The following RELCH variants were observed in gnomAD, a reference collection of about 807,000 sequenced individuals.
The protein encoded by RELCH is RAB11 binding and LisH domain, coiled-coil and HEAT repeat containing.
RELCH carries 41 observed loss-of-function variants against 150.3 expected under a neutral mutation model. The ratio of observed to expected loss-of-function variants is 0.27; its 90% confidence interval spans 0.21 to 0.35. The LOEUF (loss-of-function observed/expected upper bound fraction) is 0.35, where lower values mean the gene tolerates loss of function less well. Ranked by LOEUF, RELCH falls within the 10% of genes least tolerant of loss-of-function variation. The probability of loss-of-function intolerance (pLI) is 1.00; values close to 1 mark genes in which losing one functional copy is unlikely to be tolerated. For synonymous variants in RELCH, 478 were observed against 531.8 expected, an observed-to-expected ratio of 0.90 and a Z score of 1.39; for missense variants, 1,092 against 1,467.8, an observed-to-expected ratio of 0.74 and a Z score of 4.18.
intron 12 of RELCH, chr18:62,254,549 A>C (rs1014278152): frequency 2.0e-5 from 3 of 152,184 alleles, no homozygotes; most frequent in African/African-American, 7.2e-5. Context: ...GATTAAATTT[A>C]ATTCAAAGAT....
At position 62,227,422 on chromosome 18, in the gene RELCH, A is replaced by G; in HGVS notation, c.992A>G (p.Asp331Gly). 2 of 1,613,400 alleles carry G rather than the reference A, an allele frequency of 1.2e-6. No individual in the cohort carries two copies. The highest frequency in any genetic ancestry group is 8.5e-7 in the Non-Finnish European group (1 of 1,179,628). Reference protein sequence around the residue: ...LVDVASGVEEDELEALTPIIS... With the variant: ...LVDVASGVEEGELEALTPIIS... The stretch of plus-strand genomic sequence containing the variant: ...GATGTGGCCAGTGGAGTAGAAGAAG[A>G]TGAATTAGAGGCCCTTACACCAATT... Residue 331 changes from aspartate to glycine, a missense_variant, in exon 6 of 29, where the codon GAT becomes GGT. This residue lies in a region of RELCH where 57 missense variants were observed against 41.5 expected (regional missense o/e 1.37). Transcript: ENST00000644646.
intron 10 of RELCH, among the ~76,000 whole-genome samples, chr18:62,242,030 C>G (rs981226681): frequency 6.6e-6 from 1 of 152,114 alleles, no homozygotes. Flanking sequence ...CAGAAACAGA[C>G]CACTCTCTGC....
At chr18:62,200,333 T>A (rs1224077205) in intron 1 of RELCH, among the ~76,000 whole-genome samples, 1 of 152,322 alleles carries the variant, frequency 6.6e-6, no homozygotes, top group African/African-American at 2.4e-5. Flanking sequence ...TACCGAAGTT[T>A]TATCTTTGTA....
chr18:62,197,812 A>G (rs528997932), intron 1 of RELCH, among the ~76,000 whole-genome samples: 1 of 152,374 alleles, frequency 6.6e-6, no homozygotes, highest in African/African-American at 2.4e-5. Context: ...AAATAGAGAA[A>G]TATGGGCTTC....
chr18:62,228,746 G>A (rs930138243), intron 8 of RELCH, 148 bp downstream of exon 8: 7 of 593,808 alleles, frequency 1.2e-5, no homozygotes, highest in African/African-American at 1.9e-5. Context: ...ACATAGCAAA[G>A]TAGTTGTCAC....
Position 62,282,343 on chromosome 18 carries a change from T to G in RELCH, c.3152T>G (p.Leu1051Arg). ...GTGAAAATGCAGTTGGCTTCTTTCC[T>G]GGAAGATCCTCAGTATCAAGACCAA... is the stretch of plus-strand genomic sequence containing the variant. The part of the protein sequence containing the change: ...ERVKMQLASF[L>R]EDPQYQDQHS... Residue 1051 changes from leucine (L) to arginine (R), a missense_variant, in exon 25 of 29, where the codon CTG becomes CGG. Transcript: ENST00000644646. 6.2e-7 allele frequency: 1 copy of G among 1,613,250 alleles called. No individual in the cohort carries two copies. The highest frequency in any genetic ancestry group is 1.3e-5 in the African/African-American group (1 of 75,000).
intron 1 of RELCH, among the ~76,000 whole-genome samples, 154 bp downstream of exon 1, chr18:62,188,185 G>C (rs1408639480): frequency 3.9e-5 from 6 of 152,218 alleles, no homozygotes; most frequent in Non-Finnish European, 8.8e-5. Flanking sequence ...GTGGAAGCAA[G>C]AGGATCAGGC....
chr18:62,220,819 C>G, intron 2 of RELCH: 1 of 548,716 alleles, frequency 1.8e-6, no homozygotes, highest in Non-Finnish European at 3.2e-6. Flanking sequence ...TGATAATAAC[C>G]CCCTGAATTC....
At chr18:62,205,925 G>A (rs2039750095) in intron 1 of RELCH, among the ~76,000 whole-genome samples, 1 of 152,110 alleles carries the variant, frequency 6.6e-6, no homozygotes, top group Admixed American at 6.5e-5. Flanking sequence ...CTGGGAGGCT[G>A]AAGTGGGAGG....
chr18:62,261,629 A>G lies in RELCH; in HGVS notation c.2321A>G (p.Lys774Arg), dbSNP rs778515444. The stretch of plus-strand genomic sequence containing the variant: ...AATGCACCTTTCTCCAGCAAAGCCA[A>G]GCTTCATGGTGAAGTGCCACAGATA... ...LQNAPFSSKAKLHGEVPQIEV... is the reference protein window; with the variant it reads ...LQNAPFSSKARLHGEVPQIEV... The change falls in exon 16 of 29, where the codon AAG becomes AGG. Residue 774 changes from lysine (K) to arginine (R), a missense_variant. Coordinates refer to ENST00000644646, the MANE Select transcript of RELCH (RefSeq NM_001346231.2). 4 of 1,611,340 alleles carry G rather than the reference A, an allele frequency of 2.5e-6. No individual in the cohort carries two copies. Among genetic ancestry groups the G allele is most frequent in the Middle Eastern group, 1.7e-4 (1 of 6,042 alleles).
chr18:62,194,961 G>T (rs2038920768), intron 1 of RELCH, among the ~76,000 whole-genome samples: 1 of 152,084 alleles, frequency 6.6e-6, no homozygotes, highest in South Asian at 2.1e-4. Flanking sequence ...CCCTAAAACT[G>T]TTGACTTAAT....
chr18:62,299,014 T>A lies in RELCH; in HGVS notation c.3530+154T>A, dbSNP rs188029368. On this transcript the variant is annotated intron_variant, in intron 28 of 28. Coordinates refer to ENST00000644646, the MANE Select transcript of RELCH (RefSeq NM_001346231.2). ...ATTTAAGTCATTGGTTCTCAAATCCTGGTCCATAAACTATCTCATCAGAAT... is the reference window on the plus strand; with the variant it reads ...ATTTAAGTCATTGGTTCTCAAATCCAGGTCCATAAACTATCTCATCAGAAT... Among the ~76,000 whole-genome samples the A allele has an allele frequency of 9.9e-4, 151 of 152,308 alleles. 1 individual carries two copies. Among genetic ancestry groups the A allele is most frequent in the African/African-American group, 3.5e-3 (147 of 41,574 alleles).
intron 15 of RELCH, among the ~76,000 whole-genome samples, chr18:62,259,503 G>T (rs1194569523): frequency 6.6e-6 from 1 of 151,366 alleles, no homozygotes; most frequent in Non-Finnish European, 1.5e-5. Context: ...AAAAAAAAAA[G>T]ATATCCATAT....
Position 62,258,539 on chromosome 18 carries a change from G to C in RELCH, c.2065G>C (p.Gly689Arg). The change falls in exon 15 of 29, where the codon GGT (glycine) becomes CGT (arginine). Residue 689 changes from glycine (G) to arginine (R), a missense_variant. By Grantham distance (125) the Gly-to-Arg change is moderately radical. This residue lies in a region of RELCH where 707 missense variants were observed against 1,025.4 expected (regional missense o/e 0.69). Transcript: ENST00000644646. ...QGFELLLSAL[G>R]DPSERVVSAT... ...TTTTGAATTGTTGCTGTCAGCCTTG[G>C]GTGATCCCTCAGAAAGAGTAGTTAG... 6.2e-7 allele frequency: 1 copy of C among 1,606,788 alleles called. No individual in the cohort carries two copies. Among genetic ancestry groups the C allele is most frequent in the Non-Finnish European group, 8.5e-7 (1 of 1,177,194 alleles).
At position 62,231,181 on chromosome 18, in the gene RELCH, C is replaced by A. The variant is rs368393369; in HGVS notation, c.1449-13C>A. 3.6e-5 allele frequency: 55 copies of A among 1,529,056 alleles called. No homozygotes were observed. The highest frequency in any genetic ancestry group is 4.9e-5 in the Non-Finnish European group (54 of 1,109,466). 94.7% of individuals were successfully genotyped at this position (1,529,056 alleles called of 1,614,324 possible). On this transcript the variant is annotated splice_polypyrimidine_tract_variant and intron_variant, in intron 8 of 28. Coordinates refer to ENST00000644646, the MANE Select transcript of RELCH (RefSeq NM_001346231.2). ...TATTTGATATTGTCTCTTTTTCATA[C>A]ATTTTCTTCTAGGAAATTGTCTCCT...
chr18:62,239,240 T>C (rs1276360237), intron 10 of RELCH, among the ~76,000 whole-genome samples: 1 of 152,132 alleles, frequency 6.6e-6, no homozygotes, highest in Non-Finnish European at 1.5e-5. Flanking sequence ...GATTGAGCCC[T>C]GGAAATTATA....
At chr18:62,194,195 C>A (rs1020300215) in intron 1 of RELCH, among the ~76,000 whole-genome samples, 2 of 152,104 alleles carry the variant, frequency 1.3e-5, no homozygotes, top group Non-Finnish European at 2.9e-5. Context: ...CTGCAGTGAG[C>A]CATGATACCA....
chr18:62,265,719 A>C (rs2043520691), intron 18 of RELCH, among the ~76,000 whole-genome samples: 1 of 151,972 alleles, frequency 6.6e-6, no homozygotes, highest in Admixed American at 6.6e-5. Flanking sequence ...GATCTTTACT[A>C]TTTAAGTTAA....
At chr18:62,261,738 C>G (rs2043284181) in intron 16 of RELCH, 80 bp downstream of exon 16, 1 of 1,241,334 alleles carries the variant, frequency 8.1e-7, no homozygotes. Context: ...TATTAAAAGT[C>G]TAAAAATCAC....
Sources: allele counts gnomAD v4.1 joint callset (sites outside exome capture counted in the v4.1 genomes callset), GRCh38; gene constraint gnomAD v4.1.1; regional missense constraint gnomAD v4.1.1; transcripts MANE v1.5; gene names NCBI Gene and HGNC (gene_info 2026-07-23, HGNC 2026-07-21).